SEM1: variants seen among roughly 807,000 people sequenced by gnomAD.
SEM1 encodes SEM1 26S proteasome subunit.
SEM1 carries 3 observed loss-of-function variants against 12.7 expected under a neutral mutation model. The ratio of observed to expected loss-of-function variants is 0.24; its 90% CI spans 0.11 to 0.61. SEM1 has a LOEUF of 0.61. SEM1 is among the 20% of genes least tolerant of loss of function. The pLI, the probability that SEM1 is intolerant of heterozygous loss-of-function variation, is 0.88. For synonymous variants in SEM1, 30 were observed against 27.8 expected, an observed-to-expected ratio of 1.08 and a Z score of -0.25; for missense variants, 59 against 81.3, an observed-to-expected ratio of 0.73 and a Z score of 1.06.
At chr7:96,619,179 T>C (rs1311329152), downstream of SEM1, among the ~76,000 whole-genome samples, 2 of 152,248 alleles carry the variant, frequency 1.3e-5, no homozygotes, top group Non-Finnish European at 2.9e-5. Flanking sequence ...TCATATTTCC[T>C]GTGTCTTTCC....
intron 1 of SEM1, chr7:96,696,676 C>T (rs912482390): frequency 1.3e-5 from 2 of 151,912 alleles, no homozygotes; most frequent in African/African-American, 4.8e-5. Flanking sequence ...ATGTACTTAA[C>T]TATATTACAT....
intron 2 of SEM1, among the ~76,000 whole-genome samples, chr7:96,516,404 T>C (rs1450813386): frequency 6.6e-6 from 1 of 152,134 alleles, no homozygotes; most frequent in African/African-American, 2.4e-5. Context: ...AACAACCTAA[T>C]TTAAAAAATG....
rs1025613839 is a variant in SEM1 at position 96,640,171 on chromosome 7, T to TA, written c.171-17529dup. ...TTTGGGAGACAGTTTGGTGGATTCT[T>TA]ACAAAACTAAACATACTCTTACCAT... is the stretch of plus-strand genomic sequence containing the variant. On this transcript the variant is annotated intron_variant, in intron 2 of 2. Transcript: ENST00000417009. This position sits in a 1 kb window ranked among gnomAD's most constrained non-coding sequence, Gnocchi z 4.0. Among the ~76,000 whole-genome samples the TA allele has an allele frequency of 7.2e-5, 11 of 152,090 alleles. No homozygotes were observed. The highest frequency in any genetic ancestry group is 2.4e-4 in the African/African-American group (10 of 41,542).
intron 2 of SEM1, among the ~76,000 whole-genome samples, chr7:96,612,382 C>T (rs1238059500): frequency 6.6e-6 from 1 of 152,186 alleles, no homozygotes; most frequent in East Asian, 1.9e-4. Flanking sequence ...CTTTCATTAG[C>T]CATTAGCTAA....
At chr7:96,611,576 AAGC>A (rs1317301796) in intron 2 of SEM1, among the ~76,000 whole-genome samples, 1 of 152,218 alleles carries the variant, frequency 6.6e-6, no homozygotes, top group African/African-American at 2.4e-5. Context: ...TGGAGGAAGA[AAGC>A]AGATCTGGAA....
At chr7:96,628,849 AC>A (rs1808156825) in intron 2 of SEM1, among the ~76,000 whole-genome samples, 1 of 152,046 alleles carries the variant, frequency 6.6e-6, no homozygotes, top group Admixed American at 6.6e-5. Flanking sequence ...AAATCTCTCC[AC>A]TTTTGTTTGT....
At chr7:96,632,547 C>G (rs1584820177) in intron 2 of SEM1, among the ~76,000 whole-genome samples, 5 of 152,064 alleles carry the variant, frequency 3.3e-5, no homozygotes, top group African/African-American at 1.2e-4. Flanking sequence ...ACACTGGGGC[C>G]TGTCAGGGGG....
chr7:96,550,338 A>G (rs1448338049), intron 2 of SEM1, among the ~76,000 whole-genome samples: 1 of 152,212 alleles, frequency 6.6e-6, no homozygotes, highest in Non-Finnish European at 1.5e-5. Flanking sequence ...AGAATAGCTA[A>G]GTACTATATT....
In SEM1 at chr7:96,483,817, G is replaced by C. The variant is rs898647969; in HGVS notation, c.*42C>G. 6.5e-6 allele frequency: 10 copies of C among 1,535,548 alleles called. No individual in the cohort carries two copies. The Admixed American group carries it at 1.4e-4, about 21-fold the overall frequency. ...AGCATGTTTACTTCAATAGATGTGG[G>C]CACCATATGACCAGACTTCCATCTC... is the stretch of plus-strand genomic sequence containing the variant. On this transcript the variant is annotated 3_prime_UTR_variant, in exon 4 of 4. Transcript: ENST00000356686.
exon 4 of SEM1, chr7:96,481,628 T>C (rs1398517617): frequency 6.6e-6 from 1 of 152,156 alleles, no homozygotes; most frequent in Non-Finnish European, 1.5e-5. Context: ...TAAAAGTTAT[T>C]TTATATGTTT....
chr7:96,611,432 C>A (rs961076680), intron 2 of SEM1, among the ~76,000 whole-genome samples: 3 of 152,116 alleles, frequency 2.0e-5, no homozygotes, highest in African/African-American at 7.2e-5. Context: ...AAAGGGCTGG[C>A]AAGTCCTCCA....
intron 2 of SEM1, among the ~76,000 whole-genome samples, chr7:96,584,033 T>C (rs1806516170): frequency 6.6e-6 from 1 of 152,014 alleles, no homozygotes; most frequent in Non-Finnish European, 1.5e-5. Context: ...GTTATTTTGC[T>C]CGTTAGTTGA....
chr7:96,520,804 A>AG (rs1804243256), intron 2 of SEM1, among the ~76,000 whole-genome samples: 1 of 152,148 alleles, frequency 6.6e-6, no homozygotes, highest in Admixed American at 6.5e-5. Context: ...GACAGAGGCT[A>AG]GTAGGCTGGC....
At chr7:96,700,864 T>C (rs1370056291) in intron 1 of SEM1, among the ~76,000 whole-genome samples, 1 of 152,188 alleles carries the variant, frequency 6.6e-6, no homozygotes, top group Non-Finnish European at 1.5e-5. Context: ...TTCATTCCAA[T>C]CTGTATATAC....
intron 2 of SEM1, among the ~76,000 whole-genome samples, chr7:96,543,282 A>T (rs1174575558): frequency 6.6e-6 from 1 of 151,970 alleles, no homozygotes; most frequent in Non-Finnish European, 1.5e-5. Flanking sequence ...TCTAAAGGTG[A>T]TTTAACATAT....
Position 96,709,775 on chromosome 7 carries a change from G to C in SEM1, c.-12C>G, listed in dbSNP as rs750139356. 5.6e-6 allele frequency: 9 copies of C among 1,613,242 alleles called. No homozygotes were observed. The African/African-American group carries it at 9.4e-5, about 17-fold the overall frequency. On this transcript the variant is annotated 5_prime_UTR_variant, in exon 1 of 3. Coordinates refer to ENST00000248566, the MANE Select transcript of SEM1 (RefSeq NM_006304.2). ...TTTTTCTCTGACATCTCGACTGTCC[G>C]CGCCCAACACCTCCCAGATAAGCAG...
In SEM1 at chr7:96,707,806, G is replaced by A. The variant is rs190120791; in HGVS notation, c.76+1882C>T. Among the ~76,000 whole-genome samples, 482 of 152,238 alleles carry A rather than the reference G, an allele frequency of 3.2e-3. 4 individuals carry two copies. The highest frequency in any genetic ancestry group is 0.011 in the African/African-American group (457 of 41,550). On this transcript the variant is annotated intron_variant, in intron 1 of 2. Transcript: ENST00000248566. ...TCAGGTACATAGTTATCTCTAGATC[G>A]TTTTTAAGCAGTCAATTATCAACTA...
At chr7:96,607,975 G>C (rs540161272) in intron 2 of SEM1, among the ~76,000 whole-genome samples, 5 of 152,294 alleles carry the variant, frequency 3.3e-5, no homozygotes, top group African/African-American at 1.2e-4. Flanking sequence ...CCCCTTGAGG[G>C]ACTCAGGGGC....
At chr7:96,601,117 CTTTGTA>C (rs1208046641) in intron 2 of SEM1, among the ~76,000 whole-genome samples, 4 of 152,136 alleles carry the variant, frequency 2.6e-5, no homozygotes, top group African/African-American at 9.7e-5. Flanking sequence ...GGCCCACACA[CTTTGTA>C]TTTGTTTGTT....
Sources: allele counts gnomAD v4.1 joint callset (sites outside exome capture counted in the v4.1 genomes callset), GRCh38; gene constraint gnomAD v4.1.1; non-coding constraint Gnocchi (gnomAD v3.1); transcripts MANE v1.5; gene names NCBI Gene and HGNC (gene_info 2026-07-23, HGNC 2026-07-21).